HSD11B1: variants seen among roughly 807,000 people sequenced by gnomAD.
The protein encoded by HSD11B1 is hydroxysteroid 11-beta dehydrogenase 1, also known as 11-beta-hydroxysteroid dehydrogenase 1.
HSD11B1 carries 15 observed loss-of-function variants against 22.1 expected under a neutral mutation model. The ratio of observed to expected loss-of-function variants is 0.68; its 90% CI spans 0.45 to 1.04. The LOEUF (loss-of-function observed/expected upper bound fraction) is 1.04, where lower values mean the gene tolerates loss of function less well. Among genes scored for constraint, HSD11B1 ranks in the 50% least tolerant of loss-of-function variants. The pLI is 0.00. For synonymous variants in HSD11B1, 122 were observed against 125.2 expected, an observed-to-expected ratio of 0.97 and a Z score of 0.17; for missense variants, 281 against 357.6, an observed-to-expected ratio of 0.79 and a Z score of 1.73.
chr1:209,721,248 G>A (rs1296624876), intron 4 of HSD11B1, among the ~76,000 whole-genome samples: 1 of 152,070 alleles, frequency 6.6e-6, no homozygotes, highest in Non-Finnish European at 1.5e-5. Context: ...ACAGCCCTAG[G>A]AAACTAATAA....
chr1:209,732,622 A>C, intron 5 of HSD11B1, 43 bp downstream of exon 5: 1 of 1,526,800 alleles, frequency 6.5e-7, no homozygotes, highest in Non-Finnish European at 9.1e-7. Flanking sequence ...ATTATACTTT[A>C]AGTTCTAGGG....
At chr1:209,694,679 T>C (rs367587308) in intron 1 of HSD11B1, among the ~76,000 whole-genome samples, 1 of 152,210 alleles carries the variant, frequency 6.6e-6, no homozygotes, top group African/African-American at 2.4e-5. Flanking sequence ...ACTGGATGGA[T>C]TAGAGCCCAA....
intron 1 of HSD11B1, among the ~76,000 whole-genome samples, chr1:209,688,870 A>AAC (rs2076742991): frequency 6.6e-6 from 1 of 152,204 alleles, no homozygotes; most frequent in South Asian, 2.1e-4. Context: ...AAGGAATGTC[A>AAC]ACACTCTTGG....
intron 1 of HSD11B1, among the ~76,000 whole-genome samples, chr1:209,693,934 GC>G (rs1351173801): frequency 6.6e-6 from 1 of 152,020 alleles, no homozygotes; most frequent in African/African-American, 2.4e-5. Context: ...TGTATTCTTG[GC>G]ACTTCTCACC....
chr1:209,704,702 A>C (rs1324733390), upstream of HSD11B1: 1 of 506,228 alleles, frequency 2.0e-6, no homozygotes, highest in Non-Finnish European at 3.6e-6. Flanking sequence ...GCTCAATGAA[A>C]TGGAGTAAAC....
Position 209,706,766 on chromosome 1 carries a change from A to G in HSD11B1, c.277A>G (p.Met93Val). ...AASAHYIAGT[M>V]EDMTFAEQFV... The stretch of plus-strand genomic sequence containing the variant: ...CTCAGCACACTACATTGCTGGCACC[A>G]TGGAAGACATGACCTTCGCAGAGCA... Residue 93 changes from methionine to valine, a missense_variant, in exon 3 of 6, where the codon ATG becomes GTG. By Grantham distance (21) the Met-to-Val change is conservative. Transcript: ENST00000367027. The surrounding 1 kb of genome is among the most constrained non-coding windows in gnomAD (Gnocchi z 4.0). 3 of 1,614,120 alleles carry G rather than the reference A, an allele frequency of 1.9e-6. No individual in the cohort carries two copies. The highest frequency in any genetic ancestry group is 2.5e-6 in the Non-Finnish European group (3 of 1,179,986).
At chr1:209,688,790 G>T (rs186019690) in intron 1 of HSD11B1, among the ~76,000 whole-genome samples, 2 of 152,142 alleles carry the variant, frequency 1.3e-5, no homozygotes, top group South Asian at 2.1e-4. Flanking sequence ...GACAGTAGAA[G>T]AATTTATATG....
intron 1 of HSD11B1, among the ~76,000 whole-genome samples, chr1:209,693,324 T>C (rs1475169478): frequency 1.3e-5 from 2 of 152,332 alleles, no homozygotes; most frequent in Middle Eastern, 3.4e-3. Context: ...ATGAAAGGTA[T>C]ATGCTGTGGT....
chr1:209,713,418 T>TG, intron 4 of HSD11B1, among the ~76,000 whole-genome samples: 1 of 152,366 alleles, frequency 6.6e-6, no homozygotes, highest in African/African-American at 2.4e-5. Context: ...ACTTTTATAA[T>TG]CATAGAAACA....
intron 1 of HSD11B1, among the ~76,000 whole-genome samples, chr1:209,699,348 C>A (rs1014083014): frequency 6.6e-6 from 1 of 152,122 alleles, no homozygotes; most frequent in Non-Finnish European, 1.5e-5. Flanking sequence ...TACAGTTCCA[C>A]TTGGCTGGGG....
At chr1:209,702,208 TG>T (rs1392405814), upstream of HSD11B1, among the ~76,000 whole-genome samples, 2 of 152,214 alleles carry the variant, frequency 1.3e-5, no homozygotes, top group African/African-American at 2.4e-5. Flanking sequence ...AAAGAAGATT[TG>T]GGGGATGGGA....
Position 209,705,016 on chromosome 1 carries a change from A to G in HSD11B1, c.74A>G (p.Glu25Gly). 2 of 1,613,512 alleles carry G rather than the reference A, an allele frequency of 1.2e-6. No homozygotes were observed. The highest frequency in any genetic ancestry group is 1.7e-6 in the Non-Finnish European group (2 of 1,179,458). ...FMAYYYYSAN[E>G]EFRPEMLQGK... is the part of the protein sequence containing the mutation. ...GCCTACTACTACTATTCTGCAAACG[A>G]GGAATTCAGACCAGGTAAGTACCCA... is the stretch of plus-strand genomic sequence containing the variant. Residue 25 changes from glutamate (E) to glycine (G), a missense_variant, in exon 1 of 6, where the codon GAG becomes GGG. Glu to Gly is a moderately conservative substitution (Grantham distance 98, BLOSUM62 -2). Transcript: ENST00000367027.
intron 4 of HSD11B1, 109 bp downstream of exon 4, chr1:209,707,237 G>T (rs933403946): frequency 3.2e-6 from 3 of 933,782 alleles, no homozygotes; most frequent in Admixed American, 3.9e-5. Flanking sequence ...ATGCAGAGAA[G>T]TAATGAGGGA....
chr1:209,732,840 C>T (rs1449983551), intron 5 of HSD11B1, among the ~76,000 whole-genome samples: 6 of 150,256 alleles, frequency 4.0e-5, no homozygotes, highest in Admixed American at 6.7e-5. Context: ...TGAGAACATG[C>T]GATGTTTGGT....
rs1213582578 is a variant in HSD11B1, at chr1:209,706,535, C to G, written c.220-174C>G. Among the ~76,000 whole-genome samples the G allele has an allele frequency of 6.6e-6, 1 of 152,172 alleles. No homozygotes were observed. The highest frequency in any genetic ancestry group is 1.5e-5 in the Non-Finnish European group (1 of 68,038). Reference sequence around the variant, plus strand: ...ACCAAGTTCCAGAAAATATTTCAGACAGAGGACGATGATCATGAGGGTTAT... The same window carrying G: ...ACCAAGTTCCAGAAAATATTTCAGAGAGAGGACGATGATCATGAGGGTTAT... On this transcript the variant is annotated intron_variant, in intron 2 of 5. Coordinates refer to ENST00000367027, the MANE Select transcript of HSD11B1 (RefSeq NM_005525.4). The surrounding 1 kb of genome is among the most constrained non-coding windows in gnomAD (Gnocchi z 4.0).
intron 4 of HSD11B1, among the ~76,000 whole-genome samples, chr1:209,715,981 C>T (rs750346289): frequency 6.6e-6 from 1 of 152,176 alleles, no homozygotes; most frequent in Non-Finnish European, 1.5e-5. Context: ...TAACATCATA[C>T]TGAATGGGGA....
chr1:209,699,340 C>T (rs2076812378), intron 1 of HSD11B1, among the ~76,000 whole-genome samples: 1 of 152,100 alleles, frequency 6.6e-6, no homozygotes, highest in Non-Finnish European at 1.5e-5. Context: ...AGCTGGATTA[C>T]AGTTCCACTT....
intron 4 of HSD11B1, among the ~76,000 whole-genome samples, chr1:209,731,856 AG>A (rs961455875): frequency 6.6e-6 from 1 of 152,198 alleles, no homozygotes; most frequent in African/African-American, 2.4e-5. Flanking sequence ...CTAGGACTAC[AG>A]GCATGTGCCC....
intron 1 of HSD11B1, among the ~76,000 whole-genome samples, chr1:209,687,019 C>A (rs992935591): frequency 6.6e-6 from 1 of 152,158 alleles, no homozygotes; most frequent in Non-Finnish European, 1.5e-5. Context: ...ACTAGAGAAA[C>A]CTGACAGGAA....
Sources: gnomAD v4.1 joint callset for allele counts (sites outside exome capture counted in the v4.1 genomes callset) on GRCh38, gnomAD v4.1.1 for gene constraint, Gnocchi (gnomAD v3.1) non-coding constraint, MANE v1.5 for transcripts, NCBI Gene and HGNC (gene_info 2026-07-23, HGNC 2026-07-21) for gene names.